TOX2: variants seen among roughly 807,000 people sequenced by gnomAD.
TOX2 encodes TOX high mobility group box family member 2, also known as granulosa cell HMG box 1.
TOX2 carries 15 observed loss-of-function variants against 47.4 expected under a neutral mutation model. That is an observed-to-expected ratio of 0.32 (90% CI 0.21 to 0.49). The LOEUF is 0.49. TOX2 is among the 20% of genes least tolerant of loss of function. The pLI, the probability that TOX2 is intolerant of heterozygous loss-of-function variation, is 0.99. For missense variants in TOX2, 622 were observed against 673.1 expected, an observed-to-expected ratio of 0.92 and a Z score of 0.84; for synonymous variants, 290 against 296.6, an observed-to-expected ratio of 0.98 and a Z score of 0.23.
At chr20:43,963,206 T>G (rs1380462280) in intron 1 of TOX2, among the ~76,000 whole-genome samples, 4 of 152,126 alleles carry the variant, frequency 2.6e-5, no homozygotes, top group Non-Finnish European at 5.9e-5. Flanking sequence ...GGAGCCCAGG[T>G]ACCTGGCAGC....
At chr20:44,018,372 G>A (rs2070916608) in intron 3 of TOX2, among the ~76,000 whole-genome samples, 1 of 152,194 alleles carries the variant, frequency 6.6e-6, no homozygotes, top group Admixed American at 6.5e-5. Flanking sequence ...AACTCTGAGA[G>A]CTGCTCCTGA....
At chr20:44,050,899 T>C (rs1353467734) in intron 3 of TOX2, among the ~76,000 whole-genome samples, 4 of 152,166 alleles carry the variant, frequency 2.6e-5, no homozygotes, top group Non-Finnish European at 4.4e-5. Flanking sequence ...GGATTCAAAA[T>C]GTAGTTAGCG....
rs962672821 is a variant in TOX2, at chr20:43,915,131, G to A, written c.99+141G>A. 6 of 395,960 alleles carry A rather than the reference G, an allele frequency of 1.5e-5. No homozygotes were observed. Among genetic ancestry groups the A allele is most frequent in the Non-Finnish European group, 2.2e-5 (6 of 269,968 alleles). 24.5% of individuals were successfully genotyped at this position (395,960 alleles called of 1,614,324 possible). On this transcript the variant is annotated intron_variant, in intron 1 of 8. Coordinates refer to ENST00000341197, the MANE Select transcript of TOX2 (RefSeq NM_001098797.2). This position sits in a 1 kb window ranked among gnomAD's most constrained non-coding sequence, Gnocchi z 7.1. ...ACGGGCGGCTCACATCGATCCCCTC[G>A]CGGCCACGCTCACGCCCTGAGTTGT...
At chr20:43,952,112 A>G (rs1600676295) in intron 1 of TOX2, among the ~76,000 whole-genome samples, 1 of 151,978 alleles carries the variant, frequency 6.6e-6, no homozygotes, top group African/African-American at 2.4e-5. Context: ...CATGTTAGCC[A>G]GGATGGTCTC....
Position 44,064,999 on chromosome 20 carries a change from G to T in TOX2, c.960+142G>T, listed in dbSNP as rs185375421. 5.3e-4 allele frequency: 362 copies of T among 688,428 alleles called. 2 individuals carry two copies. Among genetic ancestry groups the T allele is most frequent in the Non-Finnish European group, 7.2e-4 (294 of 411,108 alleles). 42.6% of individuals were successfully genotyped at this position (688,428 alleles called of 1,614,324 possible). On this transcript the variant is annotated intron_variant, in intron 6 of 8. Transcript: ENST00000341197. ...AGACCTACATGGTCATGTCTGCAGG[G>T]CACCTACAGCATGCCAGGCTCATTC...
chr20:43,929,006 C>A (rs866050039), intron 1 of TOX2, among the ~76,000 whole-genome samples: 3,563 of 123,604 alleles, frequency 0.029, 149 homozygotes, highest in African/African-American at 0.13. Flanking sequence ...AAAACAACAA[C>A]AAAAAAACTG....
At chr20:44,016,675 C>G (rs1338776661) in intron 3 of TOX2, among the ~76,000 whole-genome samples, 21 of 152,116 alleles carry the variant, frequency 1.4e-4, no homozygotes, top group Non-Finnish European at 1.3e-4. Flanking sequence ...CAAAATCACC[C>G]CTGGTTGAGA....
At chr20:44,020,536 G>A (rs2070959149) in intron 3 of TOX2, among the ~76,000 whole-genome samples, 1 of 152,252 alleles carries the variant, frequency 6.6e-6, no homozygotes, top group Non-Finnish European at 1.5e-5. Flanking sequence ...AGGGGCAGGT[G>A]TGTGCCTTTG....
intron 2 of TOX2, among the ~76,000 whole-genome samples, chr20:43,990,099 T>C (rs1191324291): frequency 2.6e-5 from 4 of 152,196 alleles, no homozygotes; most frequent in Admixed American, 6.5e-5. Context: ...GTGAAATGAT[T>C]ATAATAATAA....
chr20:43,989,074 A>G (rs979980661), intron 2 of TOX2, among the ~76,000 whole-genome samples: 1 of 152,200 alleles, frequency 6.6e-6, no homozygotes. Context: ...GGTCATGGAC[A>G]TGCAGCATCC....
chr20:44,012,624 C>A (rs781280047), intron 3 of TOX2, among the ~76,000 whole-genome samples: 1 of 152,160 alleles, frequency 6.6e-6, no homozygotes, highest in Non-Finnish European at 1.5e-5. Context: ...GGATCTTGGA[C>A]AAGTTACTTC....
intron 3 of TOX2, 54 bp from the exon 4 acceptor site, chr20:44,051,252 T>G (rs543205439): frequency 6.5e-7 from 1 of 1,546,048 alleles, no homozygotes; most frequent in South Asian, 1.2e-5. Flanking sequence ...ACAGATGTGA[T>G]GGAGTGGCAG....
At chr20:43,974,494 A>C (rs1453241495) in intron 2 of TOX2, among the ~76,000 whole-genome samples, 2 of 152,160 alleles carry the variant, frequency 1.3e-5, no homozygotes, top group East Asian at 3.9e-4. Context: ...CTGATTGGAG[A>C]GCCAAGGAGG....
chr20:43,980,068 G>C (rs1490749782), intron 2 of TOX2, among the ~76,000 whole-genome samples: 1 of 152,162 alleles, frequency 6.6e-6, no homozygotes, highest in Non-Finnish European at 1.5e-5. Context: ...TGAAGATATC[G>C]GCACTTCCAT....
chr20:44,039,069 C>T (rs2071289075), intron 3 of TOX2: 1 of 1,276,000 alleles, frequency 7.8e-7, no homozygotes, highest in African/African-American at 1.5e-5. Context: ...GTGCCGGCTG[C>T]CTGCCCAGCC....
intron 3 of TOX2, among the ~76,000 whole-genome samples, chr20:44,036,165 A>AG (rs771958093): frequency 6.6e-6 from 1 of 152,172 alleles, no homozygotes; most frequent in Non-Finnish European, 1.5e-5. Context: ...TGTGGTCCTG[A>AG]GGGGGCCGTC....
intron 2 of TOX2, among the ~76,000 whole-genome samples, chr20:43,979,777 T>G (rs1289298810): frequency 6.6e-6 from 1 of 152,216 alleles, no homozygotes; most frequent in East Asian, 1.9e-4. Context: ...TATGAAAAGT[T>G]GCTCAATATC....
At chr20:44,037,453 A>T (rs2071259431) in intron 3 of TOX2, among the ~76,000 whole-genome samples, 1 of 152,242 alleles carries the variant, frequency 6.6e-6, no homozygotes, top group Non-Finnish European at 1.5e-5. Flanking sequence ...AGCTGTTAAG[A>T]TCTGTATGGA....
At chr20:43,951,707 G>GTTTTTTTTTTTTTTTTGTTTTTTT (rs2069572312) in intron 1 of TOX2, among the ~76,000 whole-genome samples, 1 of 55,098 alleles carries the variant, frequency 1.8e-5, no homozygotes, top group Non-Finnish European at 3.9e-5. Flanking sequence ...AACTTATTAT[G>GTTTTTTTTTTTTTTTTGTTTTTTT]TTTTTTTTTT....
Sources: allele counts gnomAD v4.1 joint callset (sites outside exome capture counted in the v4.1 genomes callset), GRCh38; gene constraint gnomAD v4.1.1; non-coding constraint Gnocchi (gnomAD v3.1); transcripts MANE v1.5; gene names NCBI Gene and HGNC (gene_info 2026-07-23, HGNC 2026-07-21).